The following RIMS2 variants were observed in gnomAD, a reference collection of about 807,000 sequenced individuals.
RIMS2 encodes regulating synaptic membrane exocytosis protein 2.
In RIMS2, 59 loss-of-function variants were observed where a neutral mutation model predicts 174.4. The observed-to-expected ratio is 0.34, with a 90% CI of 0.27 to 0.42. The LOEUF is 0.42. RIMS2 is among the 10% of genes least tolerant of loss of function. RIMS2 has a pLI of 1.00. For missense variants in RIMS2, 1,620 were observed against 1,666.3 expected (o/e 0.97, Z 0.48); for synonymous variants, 606 against 572.5 (o/e 1.06, Z -0.84).
chr8:104,146,011 C>A (rs2098635718), intron 19 of RIMS2, among the ~76,000 whole-genome samples: 1 of 151,844 alleles, frequency 6.6e-6, no homozygotes, highest in East Asian at 1.9e-4. Context: ...ATAAACTCAT[C>A]CCTGGTGATC....
At chr8:103,918,714 G>A in intron 9 of RIMS2, 1 of 494,508 alleles carries the variant, frequency 2.0e-6, no homozygotes, top group Non-Finnish European at 3.7e-6. Flanking sequence ...CAGATTTTTA[G>A]ATAGCATTAT....
intron 1 of RIMS2, among the ~76,000 whole-genome samples, chr8:103,554,360 A>G (rs1042805005): frequency 6.6e-6 from 1 of 152,120 alleles, no homozygotes. Context: ...AACAAACAGC[A>G]CCATTAAAAA....
intron 1 of RIMS2, among the ~76,000 whole-genome samples, chr8:103,554,179 A>G (rs1406715619): frequency 6.6e-6 from 1 of 152,168 alleles, no homozygotes; most frequent in Non-Finnish European, 1.5e-5. Context: ...GAATTGCAAA[A>G]AAAATGCACC....
chr8:104,180,062 G>A (rs1207715221), intron 19 of RIMS2, among the ~76,000 whole-genome samples: 1 of 151,730 alleles, frequency 6.6e-6, no homozygotes, highest in Non-Finnish European at 1.5e-5. Context: ...AGGGAACTCT[G>A]TTGAATGCTC....
At chr8:103,691,797 C>T (rs1211505007) in intron 1 of RIMS2, among the ~76,000 whole-genome samples, 8 of 152,202 alleles carry the variant, frequency 5.3e-5, no homozygotes, top group Admixed American at 3.9e-4. Flanking sequence ...TTGTAGTCTT[C>T]ACAGTCTGGG....
At chr8:103,633,019 C>G (rs1292569894) in intron 1 of RIMS2, among the ~76,000 whole-genome samples, 2 of 148,516 alleles carry the variant, frequency 1.3e-5, no homozygotes, top group Non-Finnish European at 3.0e-5. Flanking sequence ...AGGTGTGAGC[C>G]TCCGCGCCAG....
At chr8:103,621,742 A>T (rs938631379) in intron 1 of RIMS2, among the ~76,000 whole-genome samples, 2 of 152,210 alleles carry the variant, frequency 1.3e-5, no homozygotes, top group African/African-American at 4.8e-5. Context: ...ATTTTTGAAC[A>T]ATGCTTGGCA....
chr8:103,861,204 C>G (rs1436378700), intron 3 of RIMS2, among the ~76,000 whole-genome samples: 3 of 150,994 alleles, frequency 2.0e-5, no homozygotes, highest in Non-Finnish European at 4.4e-5. Context: ...TTGTTTAGCT[C>G]CCACTTACAA....
chr8:103,787,025 A>G (rs1439160411), intron 3 of RIMS2, among the ~76,000 whole-genome samples: 1 of 150,246 alleles, frequency 6.7e-6, no homozygotes, highest in African/African-American at 2.5e-5. Context: ...CCATTATGTA[A>G]TGGCCTTCTT....
intron 2 of RIMS2, among the ~76,000 whole-genome samples, chr8:103,710,137 T>C (rs1454964041): frequency 6.6e-6 from 1 of 152,144 alleles, no homozygotes; most frequent in Non-Finnish European, 1.5e-5. Flanking sequence ...ATTTCTTTGA[T>C]TTTTCATAGC....
At chr8:103,565,593 C>A (rs968764444) in intron 1 of RIMS2, among the ~76,000 whole-genome samples, 9 of 152,100 alleles carry the variant, frequency 5.9e-5, no homozygotes, top group Admixed American at 5.9e-4. Context: ...CCGCACTTGG[C>A]CTAGCAAGTG....
chr8:104,226,642 A>C (rs2099189683), intron 19 of RIMS2, among the ~76,000 whole-genome samples: 2 of 152,220 alleles, frequency 1.3e-5, no homozygotes. Flanking sequence ...GGTAAAGGGC[A>C]GAGTGCAACA....
chr8:103,733,378 G>A (rs1205723201), intron 2 of RIMS2, among the ~76,000 whole-genome samples: 11 of 152,076 alleles, frequency 7.2e-5, no homozygotes, highest in Non-Finnish European at 7.4e-5. Context: ...ATTGCCTGGG[G>A]CTGGGGGAAG....
chr8:104,215,927 A>G (rs1410384282), intron 19 of RIMS2, among the ~76,000 whole-genome samples: 1 of 152,192 alleles, frequency 6.6e-6, no homozygotes, highest in Non-Finnish European at 1.5e-5. Flanking sequence ...AGGGTAGAGA[A>G]ACTTCCATTT....
intron 17 of RIMS2, among the ~76,000 whole-genome samples, chr8:104,010,837 T>C (rs1006784456): frequency 3.3e-5 from 5 of 152,128 alleles, no homozygotes; most frequent in Admixed American, 6.5e-5. Context: ...CTTTTTGGAA[T>C]AATATTTTAT....
intron 4 of RIMS2, among the ~76,000 whole-genome samples, chr8:103,891,760 G>GCACAACACA (rs1427597852): frequency 6.6e-6 from 1 of 152,024 alleles, no homozygotes; most frequent in Non-Finnish European, 1.5e-5. Flanking sequence ...TTTGAAATTA[G>GCACAACACA]CACAACACAC....
chr8:104,061,770 C>G (rs1370771753), intron 19 of RIMS2, among the ~76,000 whole-genome samples: 1 of 151,712 alleles, frequency 6.6e-6, no homozygotes, highest in African/African-American at 2.4e-5. Flanking sequence ...TTTATGGATG[C>G]ATTGTATTCT....
chr8:103,707,956 T>C (rs994368550), intron 2 of RIMS2, among the ~76,000 whole-genome samples: 6 of 152,192 alleles, frequency 3.9e-5, no homozygotes, highest in Non-Finnish European at 7.4e-5. Context: ...TTTATTTTAA[T>C]GTAGCTGGGC....
intron 1 of RIMS2, among the ~76,000 whole-genome samples, chr8:103,534,739 A>T (rs1277120529): frequency 6.6e-6 from 1 of 152,218 alleles, no homozygotes; most frequent in African/African-American, 2.4e-5. Flanking sequence ...CATTATTCTC[A>T]TCAGTAGACC....
Sources: gnomAD v4.1 joint callset for allele counts (sites outside exome capture counted in the v4.1 genomes callset) on GRCh38, gnomAD v4.1.1 for gene constraint, MANE v1.5 for transcripts, NCBI Gene and HGNC (gene_info 2026-07-23, HGNC 2026-07-21) for gene names.